Variants in SRRM4 observed in about 807,000 individuals in gnomAD.
SRRM4 encodes the protein serine/arginine repetitive matrix protein 4.
SRRM4 carries 33 observed loss-of-function variants against 68.9 expected under a neutral mutation model. The ratio of observed to expected loss-of-function variants is 0.48; its 90% confidence interval spans 0.36 to 0.64. SRRM4 has a LOEUF of 0.64. Ranked by LOEUF, SRRM4 falls within the 30% of genes least tolerant of loss-of-function variation. The pLI is 0.00. For missense variants in SRRM4, 817 were observed against 827.1 expected, an observed-to-expected ratio of 0.99 and a Z score of 0.15; for synonymous variants, 318 against 318.8, an observed-to-expected ratio of 1.00 and a Z score of 0.03.
intron 7 of SRRM4, among the ~76,000 whole-genome samples, chr12:119,128,189 A>G (rs1221081650): frequency 6.6e-6 from 1 of 152,198 alleles, no homozygotes; most frequent in Non-Finnish European, 1.5e-5. Context: ...CTGATTGCTC[A>G]AGACAAAACT....
intron 1 of SRRM4, among the ~76,000 whole-genome samples, chr12:119,046,168 C>A (rs944178721): frequency 3.9e-5 from 6 of 152,140 alleles, no homozygotes; most frequent in Non-Finnish European, 7.3e-5. Flanking sequence ...ACCTCTTGAT[C>A]TCTTCTCAGC....
intron 1 of SRRM4, among the ~76,000 whole-genome samples, chr12:118,986,960 G>A (rs1053157508): frequency 5.9e-5 from 9 of 152,050 alleles, no homozygotes; most frequent in African/African-American, 2.2e-4. Flanking sequence ...ACCTTCCCGT[G>A]AAGTGGAAGA....
Position 119,088,849 on chromosome 12 carries a change from A to G in SRRM4, c.132-13387A>G, listed in dbSNP as rs74692294. Among the ~76,000 whole-genome samples the G allele has an allele frequency of 8.2e-3, 1,254 of 152,312 alleles. 26 individuals are homozygous for G. Among genetic ancestry groups the G allele is most frequent in the African/African-American group, 0.029 (1,198 of 41,548 alleles). On this transcript the variant is annotated intron_variant, in intron 1 of 12. Coordinates refer to ENST00000267260, the MANE Select transcript of SRRM4 (RefSeq NM_194286.4). ...AGACTAGGTCCCAAAGGCTATTTAC[A>G]ATGAATAATTACAATTACAGTGACA...
chr12:119,058,187 C>A (rs1953788820), intron 1 of SRRM4, among the ~76,000 whole-genome samples: 1 of 152,026 alleles, frequency 6.6e-6, no homozygotes, highest in South Asian at 2.1e-4. Flanking sequence ...TCTATATCTG[C>A]TAGGTATTAT....
intron 1 of SRRM4, among the ~76,000 whole-genome samples, chr12:119,034,378 C>T (rs568593173): frequency 7.9e-5 from 12 of 152,292 alleles, no homozygotes; most frequent in African/African-American, 2.9e-4. Context: ...TGGGAGGATC[C>T]ACTCTTCCTT....
intron 1 of SRRM4, among the ~76,000 whole-genome samples, chr12:119,095,509 G>T (rs1012890035): frequency 4.6e-5 from 7 of 152,266 alleles, no homozygotes; most frequent in African/African-American, 1.7e-4. Flanking sequence ...TCACCATGCT[G>T]CTGCTGCACA....
At chr12:119,007,028 A>G (rs991547593) in intron 1 of SRRM4, among the ~76,000 whole-genome samples, 5 of 152,200 alleles carry the variant, frequency 3.3e-5, no homozygotes, top group South Asian at 2.1e-4. Flanking sequence ...CCTCAGGGTC[A>G]GCTTTATGGA....
At chr12:119,080,534 G>A (rs1449531240) in intron 1 of SRRM4, among the ~76,000 whole-genome samples, 1 of 152,164 alleles carries the variant, frequency 6.6e-6, no homozygotes, top group Non-Finnish European at 1.5e-5. Context: ...CTCGACTCAA[G>A]TCCTGATGTT....
At chr12:119,053,837 T>C (rs1953760190) in intron 1 of SRRM4, among the ~76,000 whole-genome samples, 2 of 152,146 alleles carry the variant, frequency 1.3e-5, no homozygotes, top group Admixed American at 1.3e-4. Context: ...TATCACATCA[T>C]GGAGAATGCA....
At position 119,081,548 on chromosome 12, in the gene SRRM4, G is replaced by A. The variant is rs534876243; in HGVS notation, c.132-20688G>A. On this transcript the variant is annotated intron_variant, in intron 1 of 12. Transcript: ENST00000267260. Reference sequence around the variant, plus strand: ...TCAGAGTGGTAACAGGGGCCGGACTGTGTAGACCTTGTAGTTACTTTGGCT... The same window carrying A: ...TCAGAGTGGTAACAGGGGCCGGACTATGTAGACCTTGTAGTTACTTTGGCT... Among the ~76,000 whole-genome samples, 4 of 152,214 alleles carry A rather than the reference G, an allele frequency of 2.6e-5. No individual in the cohort carries two copies. The East Asian group carries it at 5.8e-4, about 22-fold the overall frequency.
chr12:119,122,033 T>C, intron 5 of SRRM4, 37 bp from the exon 6 acceptor site: 1 of 1,418,306 alleles, frequency 7.1e-7, no homozygotes, highest in Non-Finnish European at 1.0e-6. Context: ...TAACTAGAAT[T>C]TTGCATCTTT....
chr12:119,058,067 G>A (rs1259599438), intron 1 of SRRM4, among the ~76,000 whole-genome samples: 3 of 152,190 alleles, frequency 2.0e-5, no homozygotes, highest in African/African-American at 4.8e-5. Context: ...TCCTGGAAGA[G>A]GGAACAGTAG....
chr12:119,103,408 A>G (rs993058169), intron 2 of SRRM4, among the ~76,000 whole-genome samples: 4 of 152,104 alleles, frequency 2.6e-5, no homozygotes, highest in Admixed American at 6.5e-5. Context: ...CTCTCCCTCC[A>G]TCCACCCTTT....
At chr12:119,096,809 G>T (rs1035882621) in intron 1 of SRRM4, among the ~76,000 whole-genome samples, 2 of 152,200 alleles carry the variant, frequency 1.3e-5, no homozygotes, top group Non-Finnish European at 2.9e-5. Context: ...TGAGAACTTT[G>T]TTGGGAGCAG....
chr12:119,023,036 C>A (rs898875101), intron 1 of SRRM4, among the ~76,000 whole-genome samples: 3 of 152,214 alleles, frequency 2.0e-5, no homozygotes, highest in Non-Finnish European at 4.4e-5. Flanking sequence ...ATACTCCGTA[C>A]TTTTACCTAC....
chr12:119,050,955 C>G (rs1953738697), intron 1 of SRRM4, among the ~76,000 whole-genome samples: 1 of 152,152 alleles, frequency 6.6e-6, no homozygotes, highest in South Asian at 2.1e-4. Flanking sequence ...CCATATTGGA[C>G]AGAGAGATAC....
intron 3 of SRRM4, among the ~76,000 whole-genome samples, chr12:119,115,060 T>C (rs1954169927): frequency 6.6e-6 from 1 of 151,860 alleles, no homozygotes; most frequent in South Asian, 2.1e-4. Flanking sequence ...TTATCTCTTT[T>C]ATCCCTGACC....
At chr12:119,120,149 C>T (rs761626804) in intron 4 of SRRM4, 101 bp from the exon 5 acceptor site, 3 of 667,420 alleles carry the variant, frequency 4.5e-6, no homozygotes, top group East Asian at 6.7e-5. Context: ...CCTCCTTTCT[C>T]TCCTTCTCTC....
intron 1 of SRRM4, among the ~76,000 whole-genome samples, chr12:119,068,269 C>T (rs1197367237): frequency 1.3e-5 from 2 of 152,160 alleles, no homozygotes; most frequent in African/African-American, 2.4e-5. Flanking sequence ...ATGGAGAGCA[C>T]GTAGAACCAT....
Sources: gnomAD v4.1 joint callset for allele counts (sites outside exome capture counted in the v4.1 genomes callset) on GRCh38, gnomAD v4.1.1 for gene constraint, MANE v1.5 for transcripts, NCBI Gene and HGNC (gene_info 2026-07-23, HGNC 2026-07-21) for gene names.